The following SERGEF variants were observed in gnomAD, a reference collection of about 807,000 sequenced individuals.
SERGEF encodes the protein secretion regulating guanine nucleotide exchange factor.
Under a neutral mutation model 50.0 loss-of-function variants are expected in SERGEF, and 51 were observed. The ratio of observed to expected loss-of-function variants is 1.02; its 90% CI spans 0.81 to 1.29. SERGEF has a LOEUF of 1.29. Ranked by LOEUF, SERGEF falls within the 50% of genes most tolerant of loss-of-function variation. The pLI is 0.00. For missense variants in SERGEF, 521 were observed against 557.0 expected (o/e 0.94, Z 0.65); for synonymous variants, 205 against 212.4 (o/e 0.97, Z 0.30).
chr11:17,801,773 T>C (rs1177690875), intron 10 of SERGEF, among the ~76,000 whole-genome samples: 2 of 152,260 alleles, frequency 1.3e-5, no homozygotes, highest in Admixed American at 6.5e-5. Flanking sequence ...AATAACAAAT[T>C]GTAGGAGCTA....
intron 1 of SERGEF, 55 bp from the exon 2 acceptor site, chr11:18,008,131 CTATT>C: frequency 6.4e-7 from 1 of 1,551,774 alleles, no homozygotes. Context: ...CTGTCAATGT[CTATT>C]TACCTGTCTC....
At chr11:18,005,200 G>A (rs1245476399) in intron 3 of SERGEF, among the ~76,000 whole-genome samples, 1 of 152,180 alleles carries the variant, frequency 6.6e-6, no homozygotes, top group Non-Finnish European at 1.5e-5. Flanking sequence ...GCAGGAAAGA[G>A]CATTATCTAC....
chr11:17,956,004 C>A (rs1401333610), intron 9 of SERGEF, among the ~76,000 whole-genome samples: 1 of 152,162 alleles, frequency 6.6e-6, no homozygotes, highest in South Asian at 2.1e-4. Flanking sequence ...CCCTGACATG[C>A]GCTTGGTGGG....
chr11:17,800,137 TA>T (rs1849642499), intron 10 of SERGEF, among the ~76,000 whole-genome samples: 1 of 152,226 alleles, frequency 6.6e-6, no homozygotes, highest in Non-Finnish European at 1.5e-5. Flanking sequence ...ATACTTTTAA[TA>T]TATATTAATG....
intron 10 of SERGEF, among the ~76,000 whole-genome samples, chr11:17,872,366 C>T (rs988963600): frequency 6.6e-6 from 1 of 152,040 alleles, no homozygotes; most frequent in Non-Finnish European, 1.5e-5. Context: ...TCATCTGAAC[C>T]CTTAAGATTT....
At chr11:18,002,851 T>G (rs1235244309) in intron 4 of SERGEF, among the ~76,000 whole-genome samples, 1 of 152,262 alleles carries the variant, frequency 6.6e-6, no homozygotes, top group Admixed American at 6.5e-5. Context: ...TAAATTTCTC[T>G]TTGGCACATT....
At chr11:17,834,708 ATTAT>A (rs1850371181) in intron 10 of SERGEF, among the ~76,000 whole-genome samples, 1 of 152,180 alleles carries the variant, frequency 6.6e-6, no homozygotes, top group Non-Finnish European at 1.5e-5. Context: ...TACTTTGGTC[ATTAT>A]TTTATTTTAG....
At chr11:17,961,136 G>A (rs923631386) in intron 8 of SERGEF, among the ~76,000 whole-genome samples, 1 of 152,128 alleles carries the variant, frequency 6.6e-6, no homozygotes, top group African/African-American at 2.4e-5. Context: ...TTTGGCAGGT[G>A]AAAAAAATTA....
chr11:17,913,462 A>G (rs1415980418), intron 9 of SERGEF, among the ~76,000 whole-genome samples: 1 of 152,346 alleles, frequency 6.6e-6, no homozygotes, highest in African/African-American at 2.4e-5. Context: ...ACAGCTCCAG[A>G]CACTGGTAGA....
intron 8 of SERGEF, among the ~76,000 whole-genome samples, chr11:17,961,122 G>A (rs770517105): frequency 5.3e-5 from 8 of 152,104 alleles, no homozygotes; most frequent in Non-Finnish European, 1.0e-4. Flanking sequence ...CTACTATGCC[G>A]CCATTTGGCA....
chr11:17,979,376 G>T (rs1853445757), intron 8 of SERGEF, among the ~76,000 whole-genome samples: 1 of 152,156 alleles, frequency 6.6e-6, no homozygotes, highest in African/African-American at 2.4e-5. Flanking sequence ...AATCTTGGAG[G>T]TGATCATTCA....
intron 5 of SERGEF, 74 bp from the exon 6 acceptor site, chr11:17,995,983 C>T: frequency 1.0e-6 from 1 of 995,612 alleles, no homozygotes; most frequent in Non-Finnish European, 1.6e-6. Context: ...TTGAACCTCA[C>T]TGCTATGAGA....
intron 10 of SERGEF, among the ~76,000 whole-genome samples, chr11:17,875,029 T>A (rs1851215588): frequency 6.6e-6 from 1 of 152,220 alleles, no homozygotes; most frequent in African/African-American, 2.4e-5. Context: ...GTCAATAATA[T>A]TATATCCCAG....
chr11:17,847,327 C>G (rs1590153169), intron 10 of SERGEF, among the ~76,000 whole-genome samples: 1 of 152,060 alleles, frequency 6.6e-6, no homozygotes, highest in African/African-American at 2.4e-5. Context: ...CTGTACGTGA[C>G]CCTGCTGGGG....
Position 17,995,822 on chromosome 11 carries a change from G to A in SERGEF, c.596C>T (p.Thr199Ile), listed in dbSNP as rs1347216407. Residue 199 changes from threonine to isoleucine, a missense_variant, in exon 6 of 11, where the codon ACA becomes ATA. By Grantham distance (89) the Thr-to-Ile change is moderately conservative. Transcript: ENST00000265965. ...TGTCACTCTGCTTGGTTCCTTTGCT[G>A]TGAAAAACAATGGAAGAGTCTGCCC... ...CPGQTLPLFF[T>I]AKEPSRVTGL... 2 of 1,613,516 alleles carry A rather than the reference G, an allele frequency of 1.2e-6. No homozygotes were observed. The highest frequency in any genetic ancestry group is 3.3e-5 in the Admixed American group (2 of 60,010).
intron 10 of SERGEF, among the ~76,000 whole-genome samples, chr11:17,872,287 ATGGTGTTTT>A (rs1565191278): frequency 0.017 from 19 of 1,092 alleles, no homozygotes; most frequent in Admixed American, 0.051. Flanking sequence ...CTTGCTCTGG[ATGGTGTTTT>A]CTTTTCTATA....
chr11:17,928,289 C>A (rs2133945302), intron 9 of SERGEF, among the ~76,000 whole-genome samples: 1 of 152,190 alleles, frequency 6.6e-6, no homozygotes, highest in South Asian at 2.1e-4. Flanking sequence ...ACAGACAAGA[C>A]CACATTGAAA....
intron 9 of SERGEF, among the ~76,000 whole-genome samples, chr11:17,950,083 C>T (rs1238231764): frequency 5.3e-5 from 8 of 152,144 alleles, no homozygotes; most frequent in African/African-American, 1.9e-4. Context: ...GAAGCTGGAT[C>T]AAGAAGAGCT....
At chr11:18,010,306 C>A (rs1854170253) in intron 1 of SERGEF, 1 of 257,642 alleles carries the variant, frequency 3.9e-6, no homozygotes, top group Admixed American at 4.5e-5. Flanking sequence ...GTCCCAGAAG[C>A]CCACAGGGGG....
Sources: allele counts gnomAD v4.1 joint callset (sites outside exome capture counted in the v4.1 genomes callset), GRCh38; gene constraint gnomAD v4.1.1; transcripts MANE v1.5; gene names NCBI Gene and HGNC (gene_info 2026-07-23, HGNC 2026-07-21).